The following CHD1 variants were observed in gnomAD, a reference collection of about 807,000 sequenced individuals.
The protein encoded by CHD1 is ATP-dependent chromatin remodeler CHD1.
CHD1 carries 36 observed loss-of-function variants against 224.2 expected under a neutral mutation model. The observed-to-expected ratio is 0.16, with a 90% CI of 0.12 to 0.21. The LOEUF (loss-of-function observed/expected upper bound fraction) is 0.21, where lower values mean the gene tolerates loss of function less well. Among genes scored for constraint, CHD1 ranks in the 10% least tolerant of loss-of-function variants. CHD1 has a pLI of 1.00. For synonymous variants in CHD1, 668 were observed against 658.3 expected, an observed-to-expected ratio of 1.01 and a Z score of -0.23; for missense variants, 1,378 against 1,994.8, an observed-to-expected ratio of 0.69 and a Z score of 5.89.
chr5:98,870,007 G>GTCCC, intron 29 of CHD1, 125 bp from the exon 30 acceptor site: 1 of 642,344 alleles, frequency 1.6e-6, no homozygotes, highest in Non-Finnish European at 2.6e-6. Context: ...GTAATAAGCT[G>GTCCC]TACCAACATC....
Position 98,879,542 on chromosome 5 carries a change from G to A in CHD1, c.3237+10C>T. 1 of 1,578,306 alleles carries A rather than the reference G, an allele frequency of 6.3e-7. No homozygotes were observed. The highest frequency in any genetic ancestry group is 8.5e-7 in the Non-Finnish European group (1 of 1,170,470). ...ACTTTATAGAAATATCTTTAAAATT[G>A]CAAAATCACCTGTTTTGCACAATTT... On this transcript the variant is annotated intron_variant, in intron 23 of 35. Transcript: ENST00000614616.
rs771381137 is a variant in CHD1 at position 98,876,437 on chromosome 5, C to A, written c.3359G>T (p.Arg1120Leu). 3.1e-6 allele frequency: 5 copies of A among 1,614,076 alleles called. No homozygotes were observed. The highest frequency in any genetic ancestry group is 3.4e-6 in the Non-Finnish European group (4 of 1,179,954). Residue 1120 changes from arginine to leucine, a missense_variant, in exon 24 of 36, where the codon CGG becomes CTG. This residue lies in a region of CHD1 where 286 missense variants were observed against 445.1 expected (regional missense o/e 0.64). Coordinates refer to ENST00000614616, the MANE Select transcript of CHD1 (RefSeq NM_001270.4). ...KKRGRPRTIP[R>L]ENIKGFSDAE... Reference sequence around the variant, plus strand: ...ATCACTAAATCCTTTAATATTCTCCCGAGGAATAGTCCGTGGTCTTCCACG... The same window carrying A: ...ATCACTAAATCCTTTAATATTCTCCAGAGGAATAGTCCGTGGTCTTCCACG...
intron 20 of CHD1, among the ~76,000 whole-genome samples, chr5:98,881,742 TA>T (rs1750206420): frequency 6.6e-6 from 1 of 152,156 alleles, no homozygotes; most frequent in African/African-American, 2.4e-5. Flanking sequence ...TATTTTAAAA[TA>T]AGGAACTTGA....
chr5:98,900,734 G>T, intron 7 of CHD1, 77 bp downstream of exon 7: 1 of 1,279,490 alleles, frequency 7.8e-7, no homozygotes, highest in Non-Finnish European at 1.1e-6. Context: ...TTACAGGGGC[G>T]ACCCACTGTG....
chr5:98,876,628 T>C (rs1427539423), intron 23 of CHD1, 70 bp from the exon 24 acceptor site: 5 of 1,302,602 alleles, frequency 3.8e-6, no homozygotes, highest in Admixed American at 2.0e-5. Flanking sequence ...AAAACCATTA[T>C]AAAAGATGGT....
chr5:98,869,553 C>T, intron 30 of CHD1: 1 of 582,644 alleles, frequency 1.7e-6, no homozygotes. Flanking sequence ...ATAATATCTA[C>T]TGGACAGTTA....
chr5:98,898,792 C>T, intron 8 of CHD1, 28 bp from the exon 9 acceptor site: 1 of 1,217,344 alleles, frequency 8.2e-7, no homozygotes, highest in Non-Finnish European at 1.2e-6. Context: ...CAGGAATAGA[C>T]TTAAAAATCT....
chr5:98,924,915 T>G (rs866611528), intron 2 of CHD1, among the ~76,000 whole-genome samples: 1 of 151,428 alleles, frequency 6.6e-6, no homozygotes, highest in Non-Finnish European at 1.5e-5. Flanking sequence ...GAGGTGGAGG[T>G]TGCAGTGAGC....
chr5:98,870,850 A>G (rs779127200), intron 28 of CHD1, 47 bp from the exon 29 acceptor site: 1 of 1,160,720 alleles, frequency 8.6e-7, no homozygotes, highest in Non-Finnish European at 1.3e-6. Flanking sequence ...AAATAACATG[A>G]GAAATGTACT....
At chr5:98,870,841 AATAAC>A in intron 28 of CHD1, 38 bp from the exon 29 acceptor site, 2 of 1,298,596 alleles carry the variant, frequency 1.5e-6, no homozygotes, top group Non-Finnish European at 1.1e-6. Flanking sequence ...TGTCTTAATA[AATAAC>A]ATGAGAAATG....
chr5:98,885,798 C>A, intron 17 of CHD1, 149 bp from the exon 18 acceptor site: 1 of 580,028 alleles, frequency 1.7e-6, no homozygotes, highest in Non-Finnish European at 3.1e-6. Context: ...AAATAATGCT[C>A]AGGCATTCTG....
chr5:98,860,741 AG>A (rs1363003583), intron 32 of CHD1: 1 of 152,876 alleles, frequency 6.5e-6, no homozygotes, highest in Non-Finnish European at 1.5e-5. Context: ...TTAGGTTCTA[AG>A]TTAGGGTAGT....
At chr5:98,881,873 A>G (rs1750216110) in intron 20 of CHD1, 102 bp downstream of exon 20, 5 of 993,592 alleles carry the variant, frequency 5.0e-6, no homozygotes. Context: ...TAAAAAGTAC[A>G]ACTCTGAATA....
intron 33 of CHD1, 52 bp from the exon 34 acceptor site, chr5:98,859,067 C>A (rs2112446943): frequency 1.5e-6 from 2 of 1,346,274 alleles, no homozygotes; most frequent in Admixed American, 4.6e-5. Context: ...CACAAACTTA[C>A]AAAAAAGCAC....
intron 24 of CHD1, among the ~76,000 whole-genome samples, chr5:98,875,982 A>C (rs1749719107): frequency 6.6e-6 from 1 of 152,168 alleles, no homozygotes; most frequent in Admixed American, 6.5e-5. Flanking sequence ...AATGCTTTTA[A>C]CAGGGTTACT....
At chr5:98,897,088 C>T in intron 11 of CHD1, 105 bp downstream of exon 11, 1 of 1,066,552 alleles carries the variant, frequency 9.4e-7, no homozygotes, top group Non-Finnish European at 1.4e-6. Context: ...AGCATATAAA[C>T]TGCCAAAGAG....
chr5:98,917,311 A>C (rs1449275478), intron 2 of CHD1, among the ~76,000 whole-genome samples: 3 of 151,254 alleles, frequency 2.0e-5, no homozygotes, highest in Middle Eastern at 3.4e-3. Context: ...AAAAAAAAAA[A>C]CAACCTCTTA....
At chr5:98,867,795 GTTTTTTT>G (rs71619163) in intron 31 of CHD1, among the ~76,000 whole-genome samples, 1 of 98,064 alleles carries the variant, frequency 1.0e-5, no homozygotes. Flanking sequence ...TATCTTCCTT[GTTTTTTT>G]TTTTTTTTTT....
At chr5:98,863,976 G>A (rs1748666806) in intron 31 of CHD1, among the ~76,000 whole-genome samples, 1 of 152,118 alleles carries the variant, frequency 6.6e-6, no homozygotes, top group Non-Finnish European at 1.5e-5. Flanking sequence ...AGGGTAAAAT[G>A]ATTTTAGCAA....
Sources: gnomAD v4.1 joint callset for allele counts (sites outside exome capture counted in the v4.1 genomes callset) on GRCh38, gnomAD v4.1.1 for gene constraint, gnomAD v4.1.1 regional missense constraint, MANE v1.5 for transcripts, NCBI Gene and HGNC (gene_info 2026-07-23, HGNC 2026-07-21) for gene names.